IZUMO4: variants seen among roughly 807,000 people sequenced by gnomAD.
The protein encoded by IZUMO4 is izumo sperm-egg fusion protein 4.
A neutral mutation model predicts 37.1 loss-of-function variants in IZUMO4; 51 were observed. The observed-to-expected ratio is 1.38, with a 90% CI of 1.10 to 1.74. The LOEUF is 1.74. Among genes scored for constraint, IZUMO4 ranks in the 40% most tolerant of loss-of-function variants. The pLI is 0.00. For missense variants in IZUMO4, 364 were observed against 299.6 expected, an observed-to-expected ratio of 1.21 and a Z score of -1.59; for synonymous variants, 162 against 121.4, an observed-to-expected ratio of 1.33 and a Z score of -2.20.
Position 2,099,480 on chromosome 19 carries a change from G to GC in IZUMO4, c.*137dup. ...CCCGGACAGAGCTGAGCTGGCCAGG[G>GC]CCAGGAGGGCGGGAGGGAGGGAATG... On this transcript the variant is annotated 3_prime_UTR_variant, in exon 10 of 10. Transcript: ENST00000395301. 7.7e-6 allele frequency: 3 copies of GC among 390,782 alleles called. No individual in the cohort carries two copies. Among genetic ancestry groups the GC allele is most frequent in the East Asian group, 7.1e-5 (1 of 14,108 alleles). 24.2% of individuals were successfully genotyped at this position (390,782 alleles called of 1,614,324 possible).
At position 2,099,250 on chromosome 19, in the gene IZUMO4, C is replaced by G. The variant is rs375570718; in HGVS notation, c.609-5C>G. 5.0e-6 allele frequency: 8 copies of G among 1,612,492 alleles called. No individual in the cohort carries two copies. The highest frequency in any genetic ancestry group is 6.8e-6 in the Non-Finnish European group (8 of 1,179,132). ...GAGAGCTGAGGCAGCCTCGTCTCCC[C>G]GCAGCCTGGTATCGCCAGCCTTAAG... On this transcript the variant is annotated splice_polypyrimidine_tract_variant and splice_region_variant and intron_variant, in intron 9 of 9. Transcript: ENST00000395301.
chr19:2,098,776 T>G lies in IZUMO4; in HGVS notation c.537-11T>G, dbSNP rs570913678. ...CCATGGAGGGGCTGACTGCCCCACA[T>G]TGCCTTTCAGACAGGACACGAGCAT... On this transcript the variant is annotated splice_polypyrimidine_tract_variant and intron_variant, in intron 7 of 9. Transcript: ENST00000395301. 15 of 1,604,328 alleles carry G rather than the reference T, an allele frequency of 9.3e-6. No homozygotes were observed. The African/African-American group carries it at 2.0e-4, about 22-fold the overall frequency.
At position 2,098,418 on chromosome 19, in the gene IZUMO4, A is replaced by G; in HGVS notation, c.522-18A>G. 1 of 1,613,988 alleles carries G rather than the reference A, an allele frequency of 6.2e-7. No individual in the cohort carries two copies. The highest frequency in any genetic ancestry group is 8.5e-7 in the Non-Finnish European group (1 of 1,180,010). ...ACGGCCACTCGGCCTCCTGAGTCCAAACCCACTGTCTTTGTAGAAATAACT... is the reference window on the plus strand; with the variant it reads ...ACGGCCACTCGGCCTCCTGAGTCCAGACCCACTGTCTTTGTAGAAATAACT... On this transcript the variant is annotated intron_variant, in intron 6 of 9. Coordinates refer to ENST00000395301, the MANE Select transcript of IZUMO4 (RefSeq NM_001039846.2).
chr19:2,099,107 C>T, intron 9 of IZUMO4, 78 bp downstream of exon 9: 1 of 1,443,046 alleles, frequency 6.9e-7, no homozygotes, highest in Non-Finnish European at 9.7e-7. Flanking sequence ...GCCTGCACAC[C>T]CTGCTGACAT....
Position 2,099,001 on chromosome 19 carries a change from C to T in IZUMO4, c.580C>T (p.Pro194Ser), listed in dbSNP as rs368681304. ...MRPRSSAFSW[P>S]GTHRATPAFL... The stretch of plus-strand genomic sequence containing the variant: ...ACCACGCTCCTCTGCCTTCTCCTGG[C>T]CTGGGACACACAGAGCCACCCCGGC... Residue 194 changes from proline to serine, a missense_variant, in exon 9 of 10, where the codon CCT (proline) becomes TCT (serine). Transcript: ENST00000395301. 3.1e-6 allele frequency: 5 copies of T among 1,613,026 alleles called. No individual in the cohort carries two copies. Among genetic ancestry groups the T allele is most frequent in the Non-Finnish European group, 4.2e-6 (5 of 1,179,966 alleles).
chr19:2,098,828 T>G (rs752725006), intron 8 of IZUMO4, 24 bp downstream of exon 8: 6 of 1,556,524 alleles, frequency 3.9e-6, no homozygotes, highest in Non-Finnish European at 5.2e-6. Context: ...GACCTGGACT[T>G]CAGGGGGAGG....
At chr19:2,097,366 A>AC in intron 2 of IZUMO4, 34 bp downstream of exon 2, 1 of 741,540 alleles carries the variant, frequency 1.3e-6, no homozygotes, top group Non-Finnish European at 2.0e-6. Flanking sequence ...GGGCCCCCCC[A>AC]CCCCGGGACA....
Position 2,098,421 on chromosome 19 carries a change from C to T in IZUMO4, c.522-15C>T, listed in dbSNP as rs202004245. ...GCCACTCGGCCTCCTGAGTCCAAAC[C>T]CACTGTCTTTGTAGAAATAACTGGC... On this transcript the variant is annotated splice_polypyrimidine_tract_variant and intron_variant, in intron 6 of 9. Coordinates refer to ENST00000395301, the MANE Select transcript of IZUMO4 (RefSeq NM_001039846.2). 2.1e-3 allele frequency: 3,399 copies of T among 1,613,972 alleles called. 9 individuals are homozygous for T. Among genetic ancestry groups the T allele is most frequent in the South Asian group, 2.6e-3 (236 of 91,088 alleles).
At position 2,098,512 on chromosome 19, in the gene IZUMO4, A is replaced by C; in HGVS notation, c.536+62A>C. 3.7e-6 allele frequency: 6 copies of C among 1,611,774 alleles called. No individual in the cohort carries two copies. In the South Asian group the frequency reaches 5.5e-5, roughly 15 times the overall value. On this transcript the variant is annotated intron_variant, in intron 7 of 9. Coordinates refer to ENST00000395301, the MANE Select transcript of IZUMO4 (RefSeq NM_001039846.2). ...GTATGTGAGCACCTCGTGGGTGAGT[A>C]TGTGTGGGGCACAGGCTGGCTCCCT...
chr19:2,098,565 G>A (rs1027345186), intron 7 of IZUMO4, 115 bp downstream of exon 7: 177 of 1,604,932 alleles, frequency 1.1e-4, no homozygotes, highest in Non-Finnish European at 1.4e-4. Context: ...AGGGGCTCCC[G>A]AGGAGGTGGA....
In IZUMO4 at chr19:2,098,795, C is replaced by G; in HGVS notation, c.545C>G (p.Thr182Arg). The change falls in exon 8 of 10, where the codon ACG (threonine) becomes AGG (arginine). Residue 182 changes from threonine to arginine, a missense_variant. Thr to Arg is a moderately conservative substitution (Grantham distance 71, BLOSUM62 -1). Transcript: ENST00000395301. ...NYINNWHKQD[T>R]SMRPRSSAFS... Reference sequence around the variant, plus strand: ...CCCACATTGCCTTTCAGACAGGACACGAGCATGAGGTAAGGCCGCCCTGAC... The same window carrying G: ...CCCACATTGCCTTTCAGACAGGACAGGAGCATGAGGTAAGGCCGCCCTGAC... 2.5e-6 allele frequency: 4 copies of G among 1,600,134 alleles called. No individual in the cohort carries two copies. The highest frequency in any genetic ancestry group is 3.4e-6 in the Non-Finnish European group (4 of 1,173,990).
chr19:2,099,035 T>C lies in IZUMO4; in HGVS notation c.608+6T>C, dbSNP rs907743155. ...CACAGAGCCACCCCGGCCTTGTGAG[T>C]GACCCAGAGAAGGGAGGCCTCGGGA... On this transcript the variant is annotated splice_donor_region_variant and intron_variant, in intron 9 of 9. Coordinates refer to ENST00000395301, the MANE Select transcript of IZUMO4 (RefSeq NM_001039846.2). The C allele has an allele frequency of 6.2e-7, 1 of 1,612,670 alleles. No individual in the cohort carries two copies.
At position 2,098,350 on chromosome 19, in the gene IZUMO4, G is replaced by A; in HGVS notation, c.521+16G>A. Reference sequence around the variant, plus strand: ...TGAACTACATGTGAGTGGGGTCTTTGGGTGGCAGCAAGCTCACCTGGGCCT... The same window carrying A: ...TGAACTACATGTGAGTGGGGTCTTTAGGTGGCAGCAAGCTCACCTGGGCCT... On this transcript the variant is annotated intron_variant, in intron 6 of 9. Coordinates refer to ENST00000395301, the MANE Select transcript of IZUMO4 (RefSeq NM_001039846.2). The A allele has an allele frequency of 6.2e-7, 1 of 1,614,026 alleles. No homozygotes were observed. Among genetic ancestry groups the A allele is most frequent in the Non-Finnish European group, 8.5e-7 (1 of 1,180,022 alleles).
Position 2,099,268 on chromosome 19 carries a change from G to A in IZUMO4, c.622G>A (p.Ala208Thr). 2 of 1,612,860 alleles carry A rather than the reference G, an allele frequency of 1.2e-6. No homozygotes were observed. The highest frequency in any genetic ancestry group is 1.7e-6 in the Non-Finnish European group (2 of 1,179,800). ...RATPAFLVSPALRCLEPPHLA... is the reference protein window; with the variant it reads ...RATPAFLVSPTLRCLEPPHLA... ...GTCTCCCCGCAGCCTGGTATCGCCA[G>A]CCTTAAGGTGTCTGGAGCCCCCACA... is the stretch of plus-strand genomic sequence containing the variant. The change falls in exon 10 of 10, where the codon GCC becomes ACC. Residue 208 changes from alanine (A) to threonine (T), a missense_variant. By Grantham distance (58) the Ala-to-Thr change is moderately conservative. Coordinates refer to ENST00000395301, the MANE Select transcript of IZUMO4 (RefSeq NM_001039846.2).
At position 2,099,451 on chromosome 19, in the gene IZUMO4, C is replaced by T. The variant is rs1458381006; in HGVS notation, c.*106C>T. ...TGCTGCTGCCTCAGGACCCCCTCTC[C>T]GACCCCGGACAGAGCTGAGCTGGCC... On this transcript the variant is annotated 3_prime_UTR_variant, in exon 10 of 10. Transcript: ENST00000395301. 37 of 749,410 alleles carry T rather than the reference C, an allele frequency of 4.9e-5. No homozygotes were observed. Among genetic ancestry groups the T allele is most frequent in the Non-Finnish European group, 6.8e-5 (30 of 440,072 alleles). The allele number at this position is 749,410 out of a possible 1,614,324, so 46.4% of individuals were successfully genotyped here.
chr19:2,099,560 G>A lies in IZUMO4; in HGVS notation c.*215G>A, dbSNP rs2017861996. On this transcript the variant is annotated 3_prime_UTR_variant, in exon 10 of 10. Transcript: ENST00000395301. ...GGGCAGGTCCGCAGAGCTGCGGGATGTGATTAAAGTCCCTGATGTTTCTCT... is the reference window on the plus strand; with the variant it reads ...GGGCAGGTCCGCAGAGCTGCGGGATATGATTAAAGTCCCTGATGTTTCTCT... 8.6e-6 allele frequency: 5 copies of A among 579,538 alleles called. No individual in the cohort carries two copies. In the South Asian group the frequency reaches 1.0e-4, roughly 12 times the overall value. The allele number at this position is 579,538 out of a possible 1,614,324, so 35.9% of individuals were successfully genotyped here. A position where few individuals can be genotyped will look rare whatever the true frequency, so the allele number is the denominator to read the frequency against.
At position 2,098,957 on chromosome 19, in the gene IZUMO4, G is replaced by A. The variant is rs1156460097; in HGVS notation, c.555-19G>A. ...ATGTCACCTCTGCAACCACACCCAT[G>A]TGGTGGTTTCATGAACAGACCACGC... On this transcript the variant is annotated intron_variant, in intron 8 of 9. Coordinates refer to ENST00000395301, the MANE Select transcript of IZUMO4 (RefSeq NM_001039846.2). The A allele has an allele frequency of 3.1e-6, 5 of 1,612,838 alleles. No individual in the cohort carries two copies. Among genetic ancestry groups the A allele is most frequent in the Non-Finnish European group, 4.2e-6 (5 of 1,179,746 alleles).
intron 7 of IZUMO4, 41 bp from the exon 8 acceptor site, chr19:2,098,746 G>A (rs779793731): frequency 6.2e-7 from 1 of 1,605,246 alleles, no homozygotes; most frequent in South Asian, 1.1e-5. Flanking sequence ...ATGGTTAGGG[G>A]TGCCCCATGG....
At chr19:2,098,888 G>C in intron 8 of IZUMO4, 84 bp downstream of exon 8, 1 of 1,572,886 alleles carries the variant, frequency 6.4e-7, no homozygotes, top group Non-Finnish European at 8.7e-7. Context: ...GATCAGTGGG[G>C]GCACTGCAGG....
Sources: allele counts gnomAD v4.1 joint callset, GRCh38; gene constraint gnomAD v4.1.1; transcripts MANE v1.5; gene names NCBI Gene and HGNC (gene_info 2026-07-23, HGNC 2026-07-21).